Variants in CLMN observed in about 807,000 individuals in gnomAD.
CLMN encodes the protein calmin (calponin-like, transmembrane).
Under a neutral mutation model 92.7 loss-of-function variants are expected in CLMN, and 57 were observed. That is an observed-to-expected ratio of 0.61 (90% CI 0.50 to 0.77). CLMN has a LOEUF of 0.77. CLMN is among the 30% of genes least tolerant of loss of function. The pLI, the probability that CLMN is intolerant of heterozygous loss-of-function variation, is 0.00. For synonymous variants in CLMN, 466 were observed against 470.6 expected (o/e 0.99, Z 0.13); for missense variants, 1,158 against 1,237.5 (o/e 0.94, Z 0.96).
At chr14:95,254,617 T>C (rs567152598) in intron 1 of CLMN, among the ~76,000 whole-genome samples, 29 of 152,170 alleles carry the variant, frequency 1.9e-4, no homozygotes, top group Non-Finnish European at 4.0e-4. Context: ...CTGAACGGTG[T>C]TCTCCCCCAC....
chr14:95,309,002 GACA>G (rs954801346), intron 1 of CLMN, among the ~76,000 whole-genome samples: 1 of 152,190 alleles, frequency 6.6e-6, no homozygotes, highest in African/African-American at 2.4e-5. Flanking sequence ...CCTACCACGA[GACA>G]ACAATGGAAC....
intron 1 of CLMN, among the ~76,000 whole-genome samples, chr14:95,237,901 T>C (rs1407504814): frequency 3.3e-5 from 5 of 152,356 alleles, no homozygotes; most frequent in Non-Finnish European, 4.4e-5. Flanking sequence ...GCTCAGATTC[T>C]TTCTAACTGC....
intron 1 of CLMN, among the ~76,000 whole-genome samples, chr14:95,251,311 G>A (rs1203739422): frequency 4.6e-5 from 7 of 152,120 alleles, no homozygotes; most frequent in South Asian, 2.1e-4. Context: ...GCTGTGAATC[G>A]AATCCCATAT....
At chr14:95,300,219 G>A (rs1359390322) in intron 1 of CLMN, among the ~76,000 whole-genome samples, 3 of 152,176 alleles carry the variant, frequency 2.0e-5, no homozygotes, top group Admixed American at 6.5e-5. Flanking sequence ...CCCCCAAAGG[G>A]CTCACACCCA....
At chr14:95,262,366 C>T (rs138288822) in intron 1 of CLMN, among the ~76,000 whole-genome samples, 41 of 152,214 alleles carry the variant, frequency 2.7e-4, no homozygotes, top group Non-Finnish European at 4.4e-4. Context: ...CAGCAAGCAG[C>T]GACCTGAAAA....
In CLMN at chr14:95,251,204, AAT is replaced by A. The variant is rs1566894933; in HGVS notation, c.83-21073_83-21072del. 4.8e-3 allele frequency among the ~76,000 whole-genome samples: 726 copies of A among 152,086 alleles called. 4 individuals are homozygous for A. Among genetic ancestry groups the A allele is most frequent in the African/African-American group, 0.016 (682 of 41,448 alleles). On this transcript the variant is annotated intron_variant, in intron 1 of 12. Coordinates refer to ENST00000298912, the MANE Select transcript of CLMN (RefSeq NM_024734.4). The stretch of plus-strand genomic sequence containing the variant: ...ACGTCCATCTTCTTGGTTCTTAGAC[AAT>A]GATGATAAAACCACCACCCACCATC...
rs564930554 is a variant in CLMN at position 95,278,607 on chromosome 14, CTG to C, written c.82+41102_82+41103del. Among the ~76,000 whole-genome samples the C allele has an allele frequency of 1.8e-3, 276 of 152,280 alleles. 1 individual carries two copies. The highest frequency in any genetic ancestry group is 6.5e-3 in the African/African-American group (272 of 41,552). ...TTCTAAGGCTTTGTTCTGTTTTACA[CTG>C]TGTTACCTGACCTTTTTTAATTTTT... On this transcript the variant is annotated intron_variant, in intron 1 of 12. Transcript: ENST00000298912.
In CLMN at chr14:95,294,649, T is replaced by A. The variant is rs2140767239; in HGVS notation, c.82+25062A>T. ...TGGTGAGGATTAGGATAAATCCCTG[T>A]GCTAGTCTCCTTTGCACACCCCTCC... On this transcript the variant is annotated intron_variant, in intron 1 of 12. Transcript: ENST00000298912. The surrounding 1 kb of genome is among the most constrained non-coding windows in gnomAD (Gnocchi z 4.2). Among the ~76,000 whole-genome samples the A allele has an allele frequency of 6.6e-6, 1 of 152,330 alleles. No individual in the cohort carries two copies. The highest frequency in any genetic ancestry group is 1.9e-4 in the East Asian group (1 of 5,182).
intron 3 of CLMN, 31 bp from the exon 4 acceptor site, chr14:95,221,805 A>C (rs762540135): frequency 6.2e-7 from 1 of 1,602,274 alleles, no homozygotes; most frequent in South Asian, 1.1e-5. Context: ...AAACAAGCAC[A>C]TTAAACCCGC....
chr14:95,201,607 C>T (rs1211594964), intron 9 of CLMN, among the ~76,000 whole-genome samples: 8 of 148,852 alleles, frequency 5.4e-5, no homozygotes, highest in South Asian at 2.1e-4. Flanking sequence ...CTGGGATACA[C>T]GTACAGAGTG....
At chr14:95,260,540 G>C (rs1436415857) in intron 1 of CLMN, 1 of 152,126 alleles carries the variant, frequency 6.6e-6, no homozygotes, top group South Asian at 2.1e-4. Context: ...GAGTGGAGAC[G>C]TTATCTTAGA....
chr14:95,229,326 T>A (rs1897809781), intron 2 of CLMN, among the ~76,000 whole-genome samples: 1 of 152,114 alleles, frequency 6.6e-6, no homozygotes. Flanking sequence ...CTGTTTCAAG[T>A]GGGGAGCTGA....
In CLMN at chr14:95,273,244, T is replaced by G. The variant is rs1899784596; in HGVS notation, c.83-43111A>C. Reference sequence around the variant, plus strand: ...TGTTCAGAAGGCTTAGAGGCGACAGTGTGGAGAGTTGGGCTGTCTGGCCCA... The same window carrying G: ...TGTTCAGAAGGCTTAGAGGCGACAGGGTGGAGAGTTGGGCTGTCTGGCCCA... On this transcript the variant is annotated intron_variant, in intron 1 of 12. Transcript: ENST00000298912. 2.0e-5 allele frequency among the ~76,000 whole-genome samples: 3 copies of G among 152,234 alleles called. No homozygotes were observed. The Middle Eastern group carries it at 0.01, about 518-fold the overall frequency.
At chr14:95,289,026 T>A (rs1449887077) in intron 1 of CLMN, among the ~76,000 whole-genome samples, 1 of 152,168 alleles carries the variant, frequency 6.6e-6, no homozygotes, top group African/African-American at 2.4e-5. Context: ...ACAATAGGGG[T>A]TACCGCTGGA....
At chr14:95,285,409 C>T (rs75818346) in intron 1 of CLMN, among the ~76,000 whole-genome samples, 2,230 of 152,270 alleles carry the variant, frequency 0.015, 27 homozygotes, top group Middle Eastern at 0.065. Flanking sequence ...ATCAAATTCT[C>T]TTCCAGGAAA....
At chr14:95,310,090 T>C (rs555725955) in intron 1 of CLMN, among the ~76,000 whole-genome samples, 1 of 152,314 alleles carries the variant, frequency 6.6e-6, no homozygotes, top group South Asian at 2.1e-4. Flanking sequence ...TGATCCGCAG[T>C]GCTGGAGGTG....
At chr14:95,300,296 G>A (rs1900991680) in intron 1 of CLMN, among the ~76,000 whole-genome samples, 1 of 152,216 alleles carries the variant, frequency 6.6e-6, no homozygotes, top group South Asian at 2.1e-4. Flanking sequence ...TAAAACAAAA[G>A]TCACCCCAAC....
chr14:95,288,229 G>T (rs890985555), intron 1 of CLMN, among the ~76,000 whole-genome samples: 1 of 152,202 alleles, frequency 6.6e-6, no homozygotes, highest in Non-Finnish European at 1.5e-5. Flanking sequence ...GAGGACTTAC[G>T]TGAACAGCTG....
chr14:95,297,745 T>C (rs1204399090), intron 1 of CLMN, among the ~76,000 whole-genome samples: 3 of 151,894 alleles, frequency 2.0e-5, no homozygotes, highest in African/African-American at 7.3e-5. Flanking sequence ...CACAATCTGT[T>C]GATCCCTTTG....
Sources: gnomAD v4.1 joint callset for allele counts (sites outside exome capture counted in the v4.1 genomes callset) on GRCh38, gnomAD v4.1.1 for gene constraint, Gnocchi (gnomAD v3.1) non-coding constraint, MANE v1.5 for transcripts, NCBI Gene and HGNC (gene_info 2026-07-23, HGNC 2026-07-21) for gene names.